Variants in PPP2R2B observed in about 807,000 individuals in gnomAD.
The protein encoded by PPP2R2B is protein phosphatase 2 regulatory subunit Bbeta, also known as serine/threonine-protein phosphatase 2A 55 kDa regulatory subunit B beta isoform.
PPP2R2B carries 5 observed loss-of-function variants against 46.0 expected under a neutral mutation model. The observed-to-expected ratio is 0.11, with a 90% confidence interval of 0.06 to 0.23. The LOEUF (loss-of-function observed/expected upper bound fraction) is 0.23. PPP2R2B is among the 10% of genes least tolerant of loss of function. The pLI is 1.00. For synonymous variants in PPP2R2B, 215 were observed against 206.7 expected (o/e 1.04, Z -0.34); for missense variants, 367 against 575.0 (o/e 0.64, Z 3.70).
chr5:147,004,612 C>G (rs1754343333), intron 1 of PPP2R2B, among the ~76,000 whole-genome samples: 1 of 152,140 alleles, frequency 6.6e-6, no homozygotes, highest in Non-Finnish European at 1.5e-5. Context: ...GTCCCATACC[C>G]TTATTAGGGA....
intron 2 of PPP2R2B, among the ~76,000 whole-genome samples, chr5:146,764,502 C>A (rs1449977326): frequency 6.6e-6 from 1 of 152,020 alleles, no homozygotes; most frequent in Non-Finnish European, 1.5e-5. Context: ...ACTTTTGGAC[C>A]CAGAATCATT....
At chr5:146,983,380 C>G (rs1183074948) in intron 1 of PPP2R2B, among the ~76,000 whole-genome samples, 5 of 151,982 alleles carry the variant, frequency 3.3e-5, no homozygotes, top group Non-Finnish European at 7.4e-5. Context: ...CGGGGTTTCA[C>G]CATGTTAGCC....
At chr5:146,851,882 A>T (rs1287623997) in intron 2 of PPP2R2B, among the ~76,000 whole-genome samples, 1 of 151,978 alleles carries the variant, frequency 6.6e-6, no homozygotes, top group Non-Finnish European at 1.5e-5. Flanking sequence ...ATCTTACGAC[A>T]TCTGTGGAGA....
intron 2 of PPP2R2B, among the ~76,000 whole-genome samples, chr5:146,869,709 T>C (rs1189047134): frequency 1.3e-5 from 2 of 152,196 alleles, no homozygotes; most frequent in African/African-American, 4.8e-5. Flanking sequence ...ATTCATGCTT[T>C]ATTTACTTAT....
intron 2 of PPP2R2B, among the ~76,000 whole-genome samples, chr5:147,076,311 T>TA (rs551596034): frequency 2.4e-4 from 36 of 150,002 alleles, no homozygotes; most frequent in South Asian, 4.2e-4. Flanking sequence ...TCCATTTTGG[T>TA]AAAAAAAAAA....
intron 5 of PPP2R2B, among the ~76,000 whole-genome samples, chr5:146,668,402 A>G (rs565043479): frequency 4.3e-4 from 66 of 152,296 alleles, no homozygotes; most frequent in Non-Finnish European, 8.4e-4. Context: ...CAATGAACCC[A>G]TTTATGTAAT....
chr5:146,878,021 G>T lies in PPP2R2B; in HGVS notation c.51C>A (p.Asp17Glu). The change falls in exon 2 of 10, where the codon GAC (aspartate) becomes GAA (glutamate). Residue 17 changes from aspartate (D) to glutamate (E), a missense_variant. Physicochemically the swap from Asp to Glu is conservative, Grantham distance 45. Coordinates refer to ENST00000394411, the MANE Select transcript of PPP2R2B (RefSeq NM_181675.4). This position sits in a 1 kb window ranked among gnomAD's most constrained non-coding sequence, Gnocchi z 4.5. ...CGTTACCTTCGGTCGCATAGCTGTG[G>T]TCGCGCAGGAAACTGTTGTTGATTT... ...TRKINNSFLR[D>E]HSYATEADII... The T allele has an allele frequency of 6.2e-7, 1 of 1,614,050 alleles. No homozygotes were observed. The highest frequency in any genetic ancestry group is 8.5e-7 in the Non-Finnish European group (1 of 1,179,958).
chr5:146,607,835 A>T (rs1772435425), intron 7 of PPP2R2B: 1 of 152,160 alleles, frequency 6.6e-6, no homozygotes, highest in Non-Finnish European at 1.5e-5. Context: ...CATATTTTAG[A>T]CTTTGAGGGC....
chr5:146,943,212 CTGAG>C (rs1314947443), intron 1 of PPP2R2B, among the ~76,000 whole-genome samples: 5 of 152,156 alleles, frequency 3.3e-5, no homozygotes, highest in African/African-American at 1.2e-4. Flanking sequence ...TCTGATTGAA[CTGAG>C]TTTTATTTCT....
In PPP2R2B at chr5:146,691,240, T is replaced by C; in HGVS notation, c.335A>G (p.Asp112Gly). The C allele has an allele frequency of 6.2e-7, 1 of 1,613,498 alleles. No homozygotes were observed. Among genetic ancestry groups the C allele is most frequent in the Non-Finnish European group, 8.5e-7 (1 of 1,179,616 alleles). Residue 112 changes from aspartate to glycine, a missense_variant and splice_region_variant, in exon 5 of 10, where the codon GAT (aspartate) becomes GGT (glycine). Physicochemically the swap from Asp to Gly is moderately conservative, Grantham distance 94. This residue lies in a region of PPP2R2B where 361 missense variants were observed against 545.5 expected (regional missense o/e 0.66). Transcript: ENST00000394411. The stretch of plus-strand genomic sequence containing the variant: ...GACTTTCCACAGCTTCACAGTTTTA[T>C]CTGTAGTGGGCAACCAGATTAAGTC... ...NAAYFLLSTN[D>G]KTVKLWKVSE... is the part of the protein sequence containing the mutation.
rs117386490 is a variant in PPP2R2B at position 146,675,938 on chromosome 5, C to T, written c.447+15190G>A. 6.9e-3 allele frequency among the ~76,000 whole-genome samples: 1,049 copies of T among 152,046 alleles called. 25 individuals are homozygous for T. The highest frequency in any genetic ancestry group is 0.042 in the Admixed American group (636 of 15,270). On this transcript the variant is annotated intron_variant, in intron 5 of 9. Transcript: ENST00000394411. ...GGCTTCCTCCTGCCCCAGGACTAAT[C>T]GGAAGCTTATCTTTTCCTTTGTGTA...
chr5:146,753,422 C>G (rs1478173057), intron 2 of PPP2R2B, among the ~76,000 whole-genome samples: 1 of 152,156 alleles, frequency 6.6e-6, no homozygotes, highest in Non-Finnish European at 1.5e-5. Context: ...TAAATAAGTG[C>G]TGGTTGCCTT....
chr5:146,907,354 C>T (rs533305435), intron 1 of PPP2R2B, among the ~76,000 whole-genome samples: 2 of 152,280 alleles, frequency 1.3e-5, no homozygotes, highest in Middle Eastern at 3.4e-3. Context: ...CAGCTCTTCT[C>T]CCAGAGCTTC....
At chr5:146,590,605 C>T (rs561622941) in intron 9 of PPP2R2B, among the ~76,000 whole-genome samples, 2 of 151,944 alleles carry the variant, frequency 1.3e-5, no homozygotes, top group Non-Finnish European at 2.9e-5. Context: ...TGAGGTTTGT[C>T]GAAGTAGACA....
At chr5:147,060,838 G>T (rs1380115990), upstream of PPP2R2B, among the ~76,000 whole-genome samples, 12 of 152,252 alleles carry the variant, frequency 7.9e-5, no homozygotes, top group East Asian at 2.1e-3. Flanking sequence ...TTGCAAGAAG[G>T]TAAAAATTGG....
intron 6 of PPP2R2B, 57 bp from the exon 7 acceptor site, chr5:146,638,472 G>A: frequency 1.4e-6 from 2 of 1,477,778 alleles, no homozygotes; most frequent in Non-Finnish European, 1.9e-6. Flanking sequence ...CTTGGGGAAG[G>A]GGAGAATTAG....
At chr5:146,628,841 C>A (rs563525685) in intron 7 of PPP2R2B, among the ~76,000 whole-genome samples, 4 of 152,316 alleles carry the variant, frequency 2.6e-5, no homozygotes, top group African/African-American at 9.6e-5. Context: ...ATCTTTCTTG[C>A]CCTCTCAGAA....
At chr5:146,918,638 C>A (rs1212297715) in intron 1 of PPP2R2B, among the ~76,000 whole-genome samples, 1 of 152,126 alleles carries the variant, frequency 6.6e-6, no homozygotes, top group East Asian at 1.9e-4. Context: ...CATCTAATAC[C>A]ACTCTGCCCC....
intron 1 of PPP2R2B, among the ~76,000 whole-genome samples, chr5:146,897,133 G>A (rs190612042): frequency 2.6e-5 from 4 of 152,320 alleles, no homozygotes; most frequent in Admixed American, 2.0e-4. Context: ...TGCATTTCAT[G>A]TGTTTCTGAG....
Sources: gnomAD v4.1 joint callset for allele counts (sites outside exome capture counted in the v4.1 genomes callset) on GRCh38, gnomAD v4.1.1 for gene constraint, gnomAD v4.1.1 regional missense constraint, Gnocchi (gnomAD v3.1) non-coding constraint, MANE v1.5 for transcripts, NCBI Gene and HGNC (gene_info 2026-07-23, HGNC 2026-07-21) for gene names.